Variants in ZC3H12B observed in about 807,000 individuals in gnomAD.
ZC3H12B encodes the protein probable ribonuclease ZC3H12B.
Under a neutral mutation model 43.9 loss-of-function variants are expected in ZC3H12B, and 7 were observed. That is an observed-to-expected ratio of 0.16 (90% CI 0.09 to 0.30). The LOEUF (loss-of-function observed/expected upper bound fraction) is 0.30, where lower values mean the gene tolerates loss of function less well. ZC3H12B is among the 10% of genes least tolerant of loss of function. The probability of loss-of-function intolerance (pLI) is 1.00; values close to 1 mark genes in which losing one functional copy is unlikely to be tolerated. For synonymous variants in ZC3H12B, 222 were observed against 241.7 expected, an observed-to-expected ratio of 0.92 and a Z score of 0.76; for missense variants, 475 against 670.2, an observed-to-expected ratio of 0.71 and a Z score of 3.22.
At position 65,495,674 on chromosome X, in the gene ZC3H12B, C is replaced by T. The variant is rs750150802; in HGVS notation, c.609-1458C>T. 6.3e-5 allele frequency among the ~76,000 whole-genome samples: 7 copies of T among 111,740 alleles called. No homozygotes were observed. In the East Asian group the frequency reaches 1.7e-3, roughly 27 times the overall value. On this transcript the variant is annotated intron_variant, in intron 1 of 4. Coordinates refer to ENST00000338957, the Ensembl canonical transcript of ZC3H12B. ...AGCACTAGATACCATGCTAAGAGAT[C>T]GTAATTTTCACAGCCAAACAAGGCA...
At chrX:65,104,939 A>G in the ZC3H12B span, among the ~76,000 whole-genome samples, 4 of 111,943 alleles carry the variant, frequency 3.6e-5, no homozygotes, top group Admixed American at 9.5e-5. Flanking sequence ...ATTCTACTAT[A>G]AAGACACATG....
chrX:65,300,591 G>A, the ZC3H12B span, among the ~76,000 whole-genome samples: 2 of 111,273 alleles, frequency 1.8e-5, no homozygotes, highest in Admixed American at 1.9e-4. Context: ...GGTAGCCAAA[G>A]ATAAATGACA....
chrX:65,155,474 G>A, the ZC3H12B span, among the ~76,000 whole-genome samples: 5 of 111,075 alleles, frequency 4.5e-5, no homozygotes, highest in East Asian at 2.8e-4. Context: ...TGTTGCATTC[G>A]TATTCAAAAG....
chrX:65,472,400 G>T lies in ZC3H12B; in HGVS notation n.408-16246G>T, dbSNP rs60302521. Among the ~76,000 whole-genome samples, 393 of 78,188 alleles carry T rather than the reference G, an allele frequency of 5.0e-3. 2 individuals are homozygous for T. In the African/African-American group the frequency reaches 0.076, roughly 15 times the overall value. 67.9% of individuals were successfully genotyped at this position (78,188 alleles called of 115,157 possible). A position where few individuals can be genotyped will look rare whatever the true frequency, so the allele number is the denominator to read the frequency against. ...AGAAGTTGTTTTTTTTGTTTTTTTT[G>T]TTTGTTTGTTTGTTTGTTTTTGTTT... On this transcript the variant is annotated intron_variant and non_coding_transcript_variant, in intron 3 of 5. Transcript: ENST00000617377.
chrX:65,478,851 C>T (rs2068029085), intron 3 of ZC3H12B, among the ~76,000 whole-genome samples: 1 of 112,282 alleles, frequency 8.9e-6, no homozygotes, highest in African/African-American at 3.2e-5. Context: ...TCTAGATCCC[C>T]AGGAATATGT....
At chrX:65,101,270 C>T in the ZC3H12B span, among the ~76,000 whole-genome samples, 2 of 111,977 alleles carry the variant, frequency 1.8e-5, no homozygotes, top group Non-Finnish European at 3.8e-5. Flanking sequence ...ATTTATAGCA[C>T]TAAATGCCCA....
At chrX:65,469,348 TG>T in intron 3 of ZC3H12B, 1 of 388,712 alleles carries the variant, frequency 2.6e-6, no homozygotes, top group Non-Finnish European at 4.8e-6. Context: ...GCCAACCTGC[TG>T]GTCAATGCCA....
chrX:65,214,435 G>T, the ZC3H12B span, among the ~76,000 whole-genome samples: 3 of 111,368 alleles, frequency 2.7e-5, no homozygotes, highest in Admixed American at 9.6e-5. Flanking sequence ...TAAATATGTT[G>T]TGTCATTTCC....
chrX:65,429,384 T>A (rs1397201129), intron 3 of ZC3H12B, among the ~76,000 whole-genome samples: 1 of 112,799 alleles, frequency 8.9e-6, no homozygotes, highest in East Asian at 2.8e-4. Flanking sequence ...GGTGGCAGCC[T>A]GCCCCATCCC....
Position 65,427,207 on chromosome X carries a change from T to C in ZC3H12B, n.407+28503T>C, listed in dbSNP as rs181021115. Among the ~76,000 whole-genome samples, 10 of 112,080 alleles carry C rather than the reference T, an allele frequency of 8.9e-5. No individual in the cohort carries two copies. In the East Asian group the frequency reaches 2.8e-3, roughly 31 times the overall value. Reference sequence around the variant, plus strand: ...TGTTGAATTGAACTCTTTACCATTATGTAATGCCCTTCTTTGTCTTTTTTG... The same window carrying C: ...TGTTGAATTGAACTCTTTACCATTACGTAATGCCCTTCTTTGTCTTTTTTG... On this transcript the variant is annotated intron_variant and non_coding_transcript_variant, in intron 3 of 5. Coordinates refer to the ZC3H12B transcript ENST00000617377.
At chrX:65,254,234 A>G in the ZC3H12B span, among the ~76,000 whole-genome samples, 2 of 112,546 alleles carry the variant, frequency 1.8e-5, no homozygotes, top group Admixed American at 9.4e-5. Context: ...ACCTGAATGG[A>G]CACTAACACC....
chrX:65,357,906 T>C, the ZC3H12B span, among the ~76,000 whole-genome samples: 1 of 110,092 alleles, frequency 9.1e-6, no homozygotes, highest in East Asian at 2.8e-4. Flanking sequence ...GCAAATTGGA[T>C]AAAAAGTCAA....
the ZC3H12B span, among the ~76,000 whole-genome samples, chrX:65,071,289 GTT>G: frequency 0.011 from 923 of 80,601 alleles, 13 homozygotes; most frequent in African/African-American, 0.042. Context: ...CTTTTTTTCA[GTT>G]TTTTTTTTTT....
chrX:65,278,598 C>G, the ZC3H12B span, among the ~76,000 whole-genome samples: 2 of 111,574 alleles, frequency 1.8e-5, no homozygotes, highest in Admixed American at 1.9e-4. Context: ...AAAAATAAAA[C>G]TGAATCAGTA....
At chrX:65,054,573 CT>C in the ZC3H12B span, among the ~76,000 whole-genome samples, 1 of 111,718 alleles carries the variant, frequency 9.0e-6, no homozygotes, top group East Asian at 2.8e-4. Context: ...AATGCGGGCT[CT>C]TTTTTGGTTC....
chrX:65,475,042 T>C (rs2067974082), intron 3 of ZC3H12B, among the ~76,000 whole-genome samples: 1 of 112,502 alleles, frequency 8.9e-6, no homozygotes, highest in South Asian at 3.6e-4. Flanking sequence ...TTTTATTCTT[T>C]GATTTTCAGT....
chrX:65,164,328 T>C, the ZC3H12B span, among the ~76,000 whole-genome samples: 1 of 111,250 alleles, frequency 9.0e-6, no homozygotes, highest in South Asian at 3.8e-4. Flanking sequence ...TTGGTGTGGT[T>C]AATGGGCTGG....
chrX:65,133,263 A>G, the ZC3H12B span, among the ~76,000 whole-genome samples: 1 of 110,938 alleles, frequency 9.0e-6, no homozygotes, highest in Non-Finnish European at 1.9e-5. Flanking sequence ...CTATTATTGT[A>G]CACCTTGAAG....
chrX:65,068,542 A>T, the ZC3H12B span, among the ~76,000 whole-genome samples: 1 of 111,970 alleles, frequency 8.9e-6, no homozygotes, highest in Non-Finnish European at 1.9e-5. Context: ...TTTTAACTTT[A>T]TGCTGCTTCT....
Sources: gnomAD v4.1 joint callset for allele counts (sites outside exome capture counted in the v4.1 genomes callset) on GRCh38, gnomAD v4.1.1 for gene constraint, MANE v1.5 for transcripts, NCBI Gene and HGNC (gene_info 2026-07-23, HGNC 2026-07-21) for gene names.